Variants in ASCC3 observed in about 807,000 individuals in gnomAD.
ASCC3 encodes the protein ASC-1 complex subunit P200.
In ASCC3, 158 loss-of-function variants were observed where a neutral mutation model predicts 256.3. That is an observed-to-expected ratio of 0.62 (90% CI 0.54 to 0.70). The LOEUF (loss-of-function observed/expected upper bound fraction) is 0.70, where lower values mean the gene tolerates loss of function less well. Among genes scored for constraint, ASCC3 ranks in the 30% least tolerant of loss-of-function variants. The pLI is 0.00. For missense variants in ASCC3, 2,259 were observed against 2,626.0 expected, an observed-to-expected ratio of 0.86 and a Z score of 3.05; for synonymous variants, 948 against 883.4, an observed-to-expected ratio of 1.07 and a Z score of -1.30.
intron 37 of ASCC3, among the ~76,000 whole-genome samples, chr6:100,528,352 T>C (rs955868266): frequency 2.6e-5 from 4 of 152,174 alleles, no homozygotes; most frequent in Non-Finnish European, 5.9e-5. Flanking sequence ...TTGTAAAGAT[T>C]TGTTTTTGCA....
rs769649534 is a variant in ASCC3 at position 100,642,575 on chromosome 6, T to C, written c.3901+6A>G. On this transcript the variant is annotated splice_donor_region_variant and intron_variant, in intron 24 of 41. Coordinates refer to ENST00000369162, the MANE Select transcript of ASCC3 (RefSeq NM_006828.4). ...CAATGATTCAAATCAGCATTCACCA[T>C]GTTACCTGTATGAGGAGGATGTCTC... The C allele has an allele frequency of 3.8e-5, 61 of 1,613,538 alleles. 1 individual carries two copies. The Admixed American group carries it at 7.3e-4, about 19-fold the overall frequency.
chr6:100,843,513 C>A (rs6570974), intron 4 of ASCC3, among the ~76,000 whole-genome samples: 1 of 152,194 alleles, frequency 6.6e-6, no homozygotes, highest in African/African-American at 2.4e-5. Flanking sequence ...CTATCAGTAT[C>A]TACATCAGCA....
In ASCC3 at chr6:100,641,827, T is replaced by A. The variant is rs549797866; in HGVS notation, c.3901+754A>T. Among the ~76,000 whole-genome samples, 372 of 152,242 alleles carry A rather than the reference T, an allele frequency of 2.4e-3. 1 individual carries two copies. Among genetic ancestry groups the A allele is most frequent in the Middle Eastern group, 6.8e-3 (2 of 294 alleles). On this transcript the variant is annotated intron_variant, in intron 24 of 41. Coordinates refer to ENST00000369162, the MANE Select transcript of ASCC3 (RefSeq NM_006828.4). ...GGCACATATACACCATGGAATACTA[T>A]GCAGCCATAGAAAGGATGAGTGCAT... is the stretch of plus-strand genomic sequence containing the variant.
At chr6:100,734,250 A>C (rs1342388547) in intron 10 of ASCC3, among the ~76,000 whole-genome samples, 2 of 152,180 alleles carry the variant, frequency 1.3e-5, no homozygotes, top group Non-Finnish European at 2.9e-5. Flanking sequence ...ATTGGAAAAC[A>C]CTGACTGAAG....
rs2114594838 is a variant in ASCC3, at chr6:100,509,186, TA to T, written c.*199del. The T allele has an allele frequency of 1.6e-6, 1 of 640,246 alleles. No individual in the cohort carries two copies. Among genetic ancestry groups the T allele is most frequent in the East Asian group, 2.7e-5 (1 of 37,228 alleles). 39.7% of individuals were successfully genotyped at this position (640,246 alleles called of 1,614,324 possible). On this transcript the variant is annotated 3_prime_UTR_variant, in exon 42 of 42. Coordinates refer to ENST00000369162, the MANE Select transcript of ASCC3 (RefSeq NM_006828.4). ...CAAGAAACTCATAAAGATAACATTATAAAAGGCAACATTTGTTAAAAGGCCA... is the reference window on the plus strand; with the variant it reads ...CAAGAAACTCATAAAGATAACATTATAAAGGCAACATTTGTTAAAAGGCCA...
intron 13 of ASCC3, among the ~76,000 whole-genome samples, chr6:100,701,924 C>T (rs187216565): frequency 8.4e-4 from 128 of 151,588 alleles, no homozygotes; most frequent in African/African-American, 3.0e-3. Flanking sequence ...TGAAAGAAGG[C>T]GTGGGAGGTG....
intron 16 of ASCC3, among the ~76,000 whole-genome samples, chr6:100,656,969 G>C (rs955535413): frequency 6.6e-6 from 1 of 150,708 alleles, no homozygotes. Flanking sequence ...TCTCGATTTA[G>C]TCCTAATATT....
chr6:100,674,463 TA>T (rs766753482), intron 14 of ASCC3, among the ~76,000 whole-genome samples: 14 of 152,056 alleles, frequency 9.2e-5, no homozygotes, highest in Non-Finnish European at 2.1e-4. Context: ...TACTGCTTTT[TA>T]CAATTCAATA....
chr6:100,520,340 T>C (rs2114619141), intron 37 of ASCC3, among the ~76,000 whole-genome samples: 1 of 152,138 alleles, frequency 6.6e-6, no homozygotes, highest in South Asian at 2.1e-4. Flanking sequence ...TCTGGCCACG[T>C]CCCCCTCTGT....
chr6:100,648,712 C>T (rs1208986154), intron 20 of ASCC3, among the ~76,000 whole-genome samples: 1 of 151,818 alleles, frequency 6.6e-6, no homozygotes, highest in Non-Finnish European at 1.5e-5. Flanking sequence ...TACCTCATTC[C>T]CACTTGTTCT....
At chr6:100,745,834 C>T (rs1007645463) in intron 10 of ASCC3, among the ~76,000 whole-genome samples, 37 of 152,178 alleles carry the variant, frequency 2.4e-4, no homozygotes, top group African/African-American at 5.1e-4. Context: ...ATGAGGGATA[C>T]GTGGCAGGTT....
chr6:100,529,908 A>G (rs1363277038), intron 37 of ASCC3, among the ~76,000 whole-genome samples: 1 of 152,140 alleles, frequency 6.6e-6, no homozygotes, highest in African/African-American at 2.4e-5. Flanking sequence ...AGGGCCTGAT[A>G]CGAAGAAAGC....
chr6:100,762,551 A>C (rs939730125), intron 10 of ASCC3, among the ~76,000 whole-genome samples: 2 of 152,218 alleles, frequency 1.3e-5, no homozygotes, highest in Admixed American at 6.5e-5. Context: ...GTGTTTTTCA[A>C]AGTTGCACAA....
chr6:100,588,070 T>C (rs1051064994), intron 36 of ASCC3, among the ~76,000 whole-genome samples: 11 of 152,156 alleles, frequency 7.2e-5, no homozygotes, highest in African/African-American at 2.7e-4. Flanking sequence ...GGCAGTATAG[T>C]AGGATGGTTT....
intron 11 of ASCC3, among the ~76,000 whole-genome samples, chr6:100,723,905 T>A (rs1267582114): frequency 1.4e-5 from 2 of 138,134 alleles, no homozygotes; most frequent in East Asian, 4.3e-4. Context: ...TATTTATAAT[T>A]ATATATATGA....
At chr6:100,799,378 A>G in intron 7 of ASCC3, 53 bp downstream of exon 7, 1 of 1,591,610 alleles carries the variant, frequency 6.3e-7, no homozygotes, top group Non-Finnish European at 8.6e-7. Context: ...TCCACACATC[A>G]TTTCTTTAGA....
In ASCC3 at chr6:100,836,298, G is replaced by A. The variant is rs186937322; in HGVS notation, c.801+11850C>T. On this transcript the variant is annotated intron_variant, in intron 4 of 41. Transcript: ENST00000369162. Reference sequence around the variant, plus strand: ...ACTTCAAGTACTATGTTGAATAGAAGTGGCAAAAGTGGGCATCCTCATCTT... The same window carrying A: ...ACTTCAAGTACTATGTTGAATAGAAATGGCAAAAGTGGGCATCCTCATCTT... Among the ~76,000 whole-genome samples, 717 of 150,980 alleles carry A rather than the reference G, an allele frequency of 4.7e-3. 6 individuals carry two copies. The highest frequency in any genetic ancestry group is 7.4e-3 in the Non-Finnish European group (503 of 67,608).
chr6:100,601,958 G>C lies in ASCC3; in HGVS notation c.5178-23C>G, dbSNP rs752968504. The C allele has an allele frequency of 1.3e-5, 21 of 1,609,630 alleles. No individual in the cohort carries two copies. In the East Asian group the frequency reaches 4.2e-4, roughly 33 times the overall value. On this transcript the variant is annotated intron_variant, in intron 33 of 41. Coordinates refer to ENST00000369162, the MANE Select transcript of ASCC3 (RefSeq NM_006828.4). ...AAACTATATAGTGAACAAGACATGG[G>C]AAGCATACAAGAGCATTAAACTAAA...
intron 12 of ASCC3, among the ~76,000 whole-genome samples, chr6:100,716,357 A>G (rs1383206069): frequency 6.6e-6 from 1 of 151,836 alleles, no homozygotes. Flanking sequence ...TCTAACCAAA[A>G]AGGTAAGGTG....
Sources: allele counts gnomAD v4.1 joint callset (sites outside exome capture counted in the v4.1 genomes callset), GRCh38; gene constraint gnomAD v4.1.1; transcripts MANE v1.5; gene names NCBI Gene and HGNC (gene_info 2026-07-23, HGNC 2026-07-21).